DOCK2: variants seen among roughly 807,000 people sequenced by gnomAD.
DOCK2 encodes dedicator of cytokinesis protein 2.
In DOCK2, 87 loss-of-function variants were observed where a neutral mutation model predicts 248.9. The ratio of observed to expected loss-of-function variants is 0.35; its 90% CI spans 0.29 to 0.42. The LOEUF (loss-of-function observed/expected upper bound fraction) is 0.42. Among genes scored for constraint, DOCK2 ranks in the 10% least tolerant of loss-of-function variants. The pLI, the probability that DOCK2 is intolerant of heterozygous loss-of-function variation, is 1.00. For missense variants in DOCK2, 1,747 were observed against 2,300.2 expected (o/e 0.76, Z 4.92); for synonymous variants, 805 against 821.6 (o/e 0.98, Z 0.35).
intron 26 of DOCK2, among the ~76,000 whole-genome samples, chr5:169,816,600 C>G (rs1441922444): frequency 6.6e-6 from 1 of 152,184 alleles, no homozygotes; most frequent in East Asian, 1.9e-4. Flanking sequence ...ACTCTCCCAC[C>G]AAACCTTCAT....
intron 22 of DOCK2, among the ~76,000 whole-genome samples, chr5:169,746,660 T>C (rs973186270): frequency 3.3e-5 from 5 of 152,198 alleles, no homozygotes; most frequent in Non-Finnish European, 5.9e-5. Context: ...AAGGGGTTGA[T>C]AACAGGCAGG....
At chr5:169,714,952 C>G (rs1274359340) in intron 19 of DOCK2, among the ~76,000 whole-genome samples, 2 of 151,938 alleles carry the variant, frequency 1.3e-5, no homozygotes, top group Non-Finnish European at 2.9e-5. Context: ...TGTGTGTGAG[C>G]ATATATATGT....
chr5:170,033,418 C>T (rs1405673292), intron 34 of DOCK2, among the ~76,000 whole-genome samples: 2 of 152,014 alleles, frequency 1.3e-5, no homozygotes, highest in African/African-American at 2.4e-5. Flanking sequence ...AAAATGGAGG[C>T]TTTTCTTTCC....
At chr5:169,867,259 G>T (rs1162588296) in intron 27 of DOCK2, among the ~76,000 whole-genome samples, 1 of 152,196 alleles carries the variant, frequency 6.6e-6, no homozygotes, top group South Asian at 2.1e-4. Context: ...TCCGGCCTTA[G>T]GCAGGTGACA....
Position 170,069,209 on chromosome 5 carries a change from AT to A in DOCK2, c.4719del (p.Ile1573MetfsTer37). On this transcript the variant is annotated frameshift_variant, in exon 46 of 52. Transcript: ENST00000520908. LOFTEE classifies it high-confidence loss of function. ...CAAGCTGACCCACCTCAAGGACCTG[AT>A]TGCATGGCAGGTGAGGCAGCGCTGG... Reference protein sequence around the residue: ...QDKLTHLKDLIAWQIPFLGAG... With the variant: ...QDKLTHLKDLXAWQIPFLGAG... 6.2e-7 allele frequency: 1 copy of A among 1,613,954 alleles called. No individual in the cohort carries two copies. The highest frequency in any genetic ancestry group is 8.5e-7 in the Non-Finnish European group (1 of 1,179,924).
chr5:169,717,507 A>G (rs184708122), intron 21 of DOCK2, 23 bp downstream of exon 21: 3 of 1,608,024 alleles, frequency 1.9e-6, no homozygotes, highest in South Asian at 2.2e-5. Context: ...GCACATGGGA[A>G]CTTCTTCTCT....
chr5:169,853,226 G>A (rs1009672350), intron 27 of DOCK2, among the ~76,000 whole-genome samples: 3 of 152,188 alleles, frequency 2.0e-5, no homozygotes, highest in Non-Finnish European at 4.4e-5. Context: ...AAGTCCAATA[G>A]GCCTCTTTGT....
chr5:169,664,706 G>A (rs911810648), intron 2 of DOCK2, among the ~76,000 whole-genome samples: 2 of 152,068 alleles, frequency 1.3e-5, no homozygotes, highest in South Asian at 2.1e-4. Context: ...ACGAGAACTC[G>A]TTATCACCAG....
intron 1 of DOCK2, among the ~76,000 whole-genome samples, chr5:169,651,779 G>A (rs531201921): frequency 4.6e-5 from 7 of 152,290 alleles, no homozygotes; most frequent in South Asian, 2.1e-4. Context: ...AACAGGCTGC[G>A]TTTATGCAGG....
chr5:170,018,270 A>G (rs1254227239), intron 32 of DOCK2, among the ~76,000 whole-genome samples: 2 of 152,136 alleles, frequency 1.3e-5, no homozygotes, highest in Non-Finnish European at 2.9e-5. Context: ...TGGGTTAGGG[A>G]GCAGACAGGG....
chr5:170,036,159 G>A (rs767270908), intron 35 of DOCK2, among the ~76,000 whole-genome samples: 41 of 152,048 alleles, frequency 2.7e-4, no homozygotes, highest in Non-Finnish European at 5.9e-5. Flanking sequence ...GAAACATCAA[G>A]CTGGGCTGCC....
intron 30 of DOCK2, chr5:169,998,158 T>G: frequency 2.5e-6 from 1 of 404,718 alleles, no homozygotes; most frequent in Non-Finnish European, 4.9e-6. Context: ...AGTCTCTTCA[T>G]AGCACTAAAT....
At chr5:169,977,565 G>A (rs1777759780) in intron 27 of DOCK2, among the ~76,000 whole-genome samples, 2 of 152,174 alleles carry the variant, frequency 1.3e-5, no homozygotes, top group Non-Finnish European at 2.9e-5. Flanking sequence ...GACCCTGCTC[G>A]AGGTCACAAA....
At chr5:169,697,668 G>C (rs889361636) in intron 10 of DOCK2, among the ~76,000 whole-genome samples, 2 of 152,118 alleles carry the variant, frequency 1.3e-5, no homozygotes, top group African/African-American at 2.4e-5. Context: ...TGCAGTCAGT[G>C]GTTGATTATT....
intron 33 of DOCK2, among the ~76,000 whole-genome samples, chr5:170,025,934 C>T (rs1190133023): frequency 2.0e-5 from 3 of 151,842 alleles, no homozygotes; most frequent in Non-Finnish European, 4.4e-5. Flanking sequence ...ACGTTCCCAC[C>T]TCGACAGCTT....
intron 27 of DOCK2, among the ~76,000 whole-genome samples, chr5:169,925,073 C>T (rs1581425073): frequency 6.6e-6 from 1 of 152,054 alleles, no homozygotes; most frequent in South Asian, 2.1e-4. Context: ...TTTTCTTTCT[C>T]TATTATTCTT....
chr5:169,743,698 A>T (rs1763452121), intron 22 of DOCK2, among the ~76,000 whole-genome samples: 1 of 151,958 alleles, frequency 6.6e-6, no homozygotes, highest in Non-Finnish European at 1.5e-5. Flanking sequence ...AGCGCTTTAT[A>T]TGAAATAGAT....
At chr5:169,867,698 G>C (rs1026004369) in intron 27 of DOCK2, among the ~76,000 whole-genome samples, 5 of 151,840 alleles carry the variant, frequency 3.3e-5, no homozygotes, top group African/African-American at 1.2e-4. Context: ...CACACACATA[G>C]ATCGCACACA....
chr5:169,899,963 A>C (rs1348940614), intron 27 of DOCK2, among the ~76,000 whole-genome samples: 1 of 152,222 alleles, frequency 6.6e-6, no homozygotes, highest in African/African-American at 2.4e-5. Context: ...CACTAAGATC[A>C]TGAGAGTCTC....
Sources: gnomAD v4.1 joint callset for allele counts (sites outside exome capture counted in the v4.1 genomes callset) on GRCh38, gnomAD v4.1.1 for gene constraint, MANE v1.5 for transcripts, NCBI Gene and HGNC (gene_info 2026-07-23, HGNC 2026-07-21) for gene names.